CMIP: variants seen among roughly 807,000 people sequenced by gnomAD.
The protein encoded by CMIP is C-Maf-inducing protein.
In CMIP, 13 loss-of-function variants were observed where a neutral mutation model predicts 97.3. The ratio of observed to expected loss-of-function variants is 0.13; its 90% confidence interval spans 0.09 to 0.21. The LOEUF is 0.21. Among genes scored for constraint, CMIP ranks in the 10% least tolerant of loss-of-function variants. The pLI is 1.00. For missense variants in CMIP, 847 were observed against 1,024.9 expected (o/e 0.83, Z 2.37); for synonymous variants, 538 against 436.3 (o/e 1.23, Z -2.91).
chr16:81,692,559 A>G (rs529004488), intron 11 of CMIP, among the ~76,000 whole-genome samples: 3 of 152,210 alleles, frequency 2.0e-5, no homozygotes, highest in Admixed American at 6.5e-5. Flanking sequence ...CGTGTTTAGG[A>G]AATGCTGCCT....
At chr16:81,692,390 A>G (rs1906190621) in intron 11 of CMIP, among the ~76,000 whole-genome samples, 1 of 152,150 alleles carries the variant, frequency 6.6e-6, no homozygotes, top group South Asian at 2.1e-4. Context: ...TGAATTGATC[A>G]CTGGAAACTA....
chr16:81,569,621 G>C (rs773552474), intron 1 of CMIP, among the ~76,000 whole-genome samples: 4 of 152,340 alleles, frequency 2.6e-5, no homozygotes, highest in Middle Eastern at 6.8e-3. Context: ...GGGAAGTCCC[G>C]ATTTGCAATG....
chr16:81,682,154 C>G (rs1316728470), intron 10 of CMIP, among the ~76,000 whole-genome samples: 8 of 150,552 alleles, frequency 5.3e-5, no homozygotes, highest in African/African-American at 2.0e-4. Context: ...CAGTGATCCA[C>G]GATTGCACTG....
chr16:81,480,104 G>A lies in CMIP; in HGVS notation c.300+34563G>A, dbSNP rs537093915. The stretch of plus-strand genomic sequence containing the variant: ...GTCTGGGCCATAGCCTTTTCCGAGC[G>A]ATTCTAACATGAGAGTGAGTGGTAG... On this transcript the variant is annotated intron_variant, in intron 1 of 20. Coordinates refer to ENST00000537098, the MANE Select transcript of CMIP (RefSeq NM_198390.3). Among the ~76,000 whole-genome samples, 6 of 152,306 alleles carry A rather than the reference G, an allele frequency of 3.9e-5. 1 individual carries two copies. Among genetic ancestry groups the A allele is most frequent in the African/African-American group, 1.4e-4 (6 of 41,556 alleles).
chr16:81,650,258 A>C (rs10871419), intron 3 of CMIP, among the ~76,000 whole-genome samples: 77,093 of 151,984 alleles, frequency 0.51, 19,778 homozygotes, highest in South Asian at 0.65. Context: ...CTCCCTGGGG[A>C]ATGCTGGGCT....
chr16:81,704,942 T>TG (rs1246329054), intron 18 of CMIP, among the ~76,000 whole-genome samples: 3 of 151,930 alleles, frequency 2.0e-5, no homozygotes, highest in Non-Finnish European at 2.9e-5. Flanking sequence ...TTCGCTGGCC[T>TG]GCGGGGGGCT....
chr16:81,671,120 C>T (rs1182226369), intron 8 of CMIP, among the ~76,000 whole-genome samples: 2 of 152,164 alleles, frequency 1.3e-5, no homozygotes, highest in Non-Finnish European at 2.9e-5. Context: ...TGAACTGCTG[C>T]CCCCAGACTC....
At chr16:81,495,221 T>C (rs1385719595) in intron 1 of CMIP, 2 of 1,032,606 alleles carry the variant, frequency 1.9e-6, no homozygotes, top group East Asian at 5.9e-5. Context: ...TAGCATAGGG[T>C]TTCTCAGTGA....
At chr16:81,568,496 ACTCT>A (rs2091024864) in intron 1 of CMIP, among the ~76,000 whole-genome samples, 2 of 151,882 alleles carry the variant, frequency 1.3e-5, no homozygotes, top group South Asian at 2.1e-4. Flanking sequence ...GGAGTGAGTC[ACTCT>A]CTCTCTGTGC....
intron 1 of CMIP, among the ~76,000 whole-genome samples, chr16:81,579,195 C>T (rs1264898554): frequency 6.6e-6 from 1 of 152,170 alleles, no homozygotes; most frequent in Non-Finnish European, 1.5e-5. Context: ...TAAGGGGTTA[C>T]TTCTTAACAA....
At chr16:81,547,744 G>A (rs2090574887) in intron 1 of CMIP, among the ~76,000 whole-genome samples, 1 of 152,212 alleles carries the variant, frequency 6.6e-6, no homozygotes, top group Non-Finnish European at 1.5e-5. Flanking sequence ...TTGGGGAAGT[G>A]CAAGATGAAG....
chr16:81,679,160 G>T (rs1904605773), intron 10 of CMIP, among the ~76,000 whole-genome samples: 1 of 152,206 alleles, frequency 6.6e-6, no homozygotes. Context: ...ACGGCCATGG[G>T]TGGATGTGGG....
chr16:81,514,351 C>T (rs542203288), intron 1 of CMIP, among the ~76,000 whole-genome samples: 1 of 152,220 alleles, frequency 6.6e-6, no homozygotes, highest in Admixed American at 6.5e-5. Flanking sequence ...CCAGAAGTGG[C>T]ATGAGGAGGG....
chr16:81,678,927 ACCTGTATGCTTGAGTG>A (rs1319448080), intron 10 of CMIP, among the ~76,000 whole-genome samples: 5 of 152,342 alleles, frequency 3.3e-5, no homozygotes, highest in South Asian at 4.1e-4. Context: ...ATGGCTTTGT[ACCTGTATGCTTGAGTG>A]CCTGGGCACA....
At chr16:81,685,855 T>C (rs1244541056) in intron 10 of CMIP, among the ~76,000 whole-genome samples, 2 of 152,092 alleles carry the variant, frequency 1.3e-5, no homozygotes, top group African/African-American at 4.8e-5. Flanking sequence ...TGAGCCACCA[T>C]GTGCCCACCA....
Position 81,616,297 on chromosome 16 carries a change from G to C in CMIP, c.427-4579G>C, listed in dbSNP as rs577446739. Among the ~76,000 whole-genome samples the C allele has an allele frequency of 6.6e-6, 1 of 152,252 alleles. No homozygotes were observed. Among genetic ancestry groups the C allele is most frequent in the African/African-American group, 2.4e-5 (1 of 41,546 alleles). On this transcript the variant is annotated intron_variant, in intron 2 of 20. Transcript: ENST00000537098. This position sits in a 1 kb window ranked among gnomAD's most constrained non-coding sequence, Gnocchi z 4.7. ...GTGTGGGCCGAGGGCTTGAAGAAGTGGCCGCCAGAAGCTTCAGGAGAGCGG... is the reference window on the plus strand; with the variant it reads ...GTGTGGGCCGAGGGCTTGAAGAAGTCGCCGCCAGAAGCTTCAGGAGAGCGG...
At chr16:81,609,188 C>G (rs1187892384) in intron 2 of CMIP, among the ~76,000 whole-genome samples, 1 of 151,770 alleles carries the variant, frequency 6.6e-6, no homozygotes, top group African/African-American at 2.4e-5. Flanking sequence ...CCCTCCCCCC[C>G]TCCCCACCAC....
Position 81,660,843 on chromosome 16 carries a change from A to G in CMIP, c.682-41A>G, listed in dbSNP as rs369541350. On this transcript the variant is annotated intron_variant, in intron 5 of 20. Transcript: ENST00000537098. Reference sequence around the variant, plus strand: ...GATTGTTCGAAGTCTTTCCGTGGCTATCTACCCCACGGTTCCTGATGCTTG... The same window carrying G: ...GATTGTTCGAAGTCTTTCCGTGGCTGTCTACCCCACGGTTCCTGATGCTTG... 299 of 1,610,502 alleles carry G rather than the reference A, an allele frequency of 1.9e-4. 2 individuals are homozygous for G. In the African/African-American group the frequency reaches 3.6e-3, roughly 19 times the overall value.
chr16:81,568,462 C>G (rs1052806187), intron 1 of CMIP, among the ~76,000 whole-genome samples: 1 of 152,120 alleles, frequency 6.6e-6, no homozygotes, highest in African/African-American at 2.4e-5. Context: ...TGGCTGGGGC[C>G]CCGGGCAAGG....
Sources: allele counts gnomAD v4.1 joint callset (sites outside exome capture counted in the v4.1 genomes callset), GRCh38; gene constraint gnomAD v4.1.1; non-coding constraint Gnocchi (gnomAD v3.1); transcripts MANE v1.5; gene names NCBI Gene and HGNC (gene_info 2026-07-23, HGNC 2026-07-21).